Variants in GUCY1A2 observed in about 807,000 individuals in gnomAD.
GUCY1A2 encodes guanylate cyclase soluble subunit alpha-2.
Under a neutral mutation model 63.5 loss-of-function variants are expected in GUCY1A2, and 27 were observed. That is an observed-to-expected ratio of 0.43 (90% confidence interval 0.31 to 0.59). GUCY1A2 has a LOEUF of 0.59. Among genes scored for constraint, GUCY1A2 ranks in the 20% least tolerant of loss-of-function variants. The probability of loss-of-function intolerance (pLI) is 0.11; values close to 1 mark genes in which losing one functional copy is unlikely to be tolerated. For missense variants in GUCY1A2, 768 were observed against 913.3 expected, an observed-to-expected ratio of 0.84 and a Z score of 2.05; for synonymous variants, 364 against 343.5, an observed-to-expected ratio of 1.06 and a Z score of -0.66.
Position 107,004,193 on chromosome 11 carries a change from C to T in GUCY1A2, c.303+13560G>A, listed in dbSNP as rs1020355303. On this transcript the variant is annotated intron_variant, in intron 1 of 7. Coordinates refer to ENST00000526355, the MANE Select transcript of GUCY1A2 (RefSeq NM_000855.3). ...TCTAGGCAGTGAATCATGACGTCCACCACATTCACCAAAGCTTGAAATATA... is the reference window on the plus strand; with the variant it reads ...TCTAGGCAGTGAATCATGACGTCCATCACATTCACCAAAGCTTGAAATATA... Among the ~76,000 whole-genome samples, 4 of 152,092 alleles carry T rather than the reference C, an allele frequency of 2.6e-5. No homozygotes were observed. The South Asian group carries it at 8.3e-4, about 32-fold the overall frequency.
chr11:106,977,905 T>G (rs562925445), intron 3 of GUCY1A2, among the ~76,000 whole-genome samples: 1 of 151,314 alleles, frequency 6.6e-6, no homozygotes, highest in African/African-American at 2.4e-5. Flanking sequence ...TAGAAACATC[T>G]GTAAGACATT....
chr11:106,935,277 G>T (rs749583702), intron 4 of GUCY1A2, among the ~76,000 whole-genome samples: 4 of 152,130 alleles, frequency 2.6e-5, no homozygotes, highest in Non-Finnish European at 5.9e-5. Context: ...GACTGTTATA[G>T]GTGGAAAGGA....
chr11:106,847,463 A>C (rs2135448138), intron 4 of GUCY1A2, among the ~76,000 whole-genome samples: 1 of 151,528 alleles, frequency 6.6e-6, no homozygotes, highest in East Asian at 1.9e-4. Context: ...CATTGCTATT[A>C]TTATTATTAC....
At chr11:106,694,481 T>A (rs1256589468) in intron 7 of GUCY1A2, among the ~76,000 whole-genome samples, 4 of 152,200 alleles carry the variant, frequency 2.6e-5, no homozygotes, top group African/African-American at 9.6e-5. Context: ...AAGATTGACC[T>A]GACAAAGTTT....
At chr11:106,754,165 T>C (rs1354258566) in intron 6 of GUCY1A2, among the ~76,000 whole-genome samples, 3 of 152,180 alleles carry the variant, frequency 2.0e-5, no homozygotes, top group Non-Finnish European at 2.9e-5. Flanking sequence ...TTGTCTATTA[T>C]TGGTGTATAG....
rs1280852563 is a variant in GUCY1A2 at position 106,992,318 on chromosome 11, AAT to A, written c.304-6189_304-6188del. Reference sequence around the variant, plus strand: ...TAAAGAAACCCTCTTGTACAAAAAGAATATGTCTTTTTTTTTTTTTTTTTTTT... The same window carrying A: ...TAAAGAAACCCTCTTGTACAAAAAGAATGTCTTTTTTTTTTTTTTTTTTTT... On this transcript the variant is annotated intron_variant, in intron 1 of 7. Coordinates refer to ENST00000526355, the MANE Select transcript of GUCY1A2 (RefSeq NM_000855.3). Among the ~76,000 whole-genome samples, 4 of 150,014 alleles carry A rather than the reference AAT, an allele frequency of 2.7e-5. No homozygotes were observed. In the East Asian group the frequency reaches 8.1e-4, roughly 30 times the overall value.
intron 1 of GUCY1A2, among the ~76,000 whole-genome samples, chr11:107,005,831 A>G (rs999292635): frequency 1.3e-5 from 2 of 152,194 alleles, no homozygotes; most frequent in Non-Finnish European, 2.9e-5. Flanking sequence ...CTGAAATGTC[A>G]TATGCCCAAA....
At chr11:106,704,125 C>G (rs1396532033) in intron 7 of GUCY1A2, among the ~76,000 whole-genome samples, 1 of 152,140 alleles carries the variant, frequency 6.6e-6, no homozygotes, top group East Asian at 1.9e-4. Flanking sequence ...CAAACCCATT[C>G]TTTCTCTCAA....
chr11:106,941,506 A>G (rs1860752195), intron 3 of GUCY1A2, among the ~76,000 whole-genome samples: 1 of 152,176 alleles, frequency 6.6e-6, no homozygotes, highest in African/African-American at 2.4e-5. Flanking sequence ...TGTAGTTTAC[A>G]TATTCATATT....
chr11:106,832,655 A>G (rs1348527745), intron 4 of GUCY1A2, among the ~76,000 whole-genome samples: 1 of 152,076 alleles, frequency 6.6e-6, no homozygotes, highest in Non-Finnish European at 1.5e-5. Flanking sequence ...AAAATCCCCT[A>G]TATAAGGTCT....
At chr11:106,785,980 A>G (rs1469970737) in intron 5 of GUCY1A2, among the ~76,000 whole-genome samples, 1 of 151,668 alleles carries the variant, frequency 6.6e-6, no homozygotes, top group Non-Finnish European at 1.5e-5. Context: ...CACTCCATCC[A>G]TAGGGTAATA....
chr11:106,870,067 G>A (rs1362210737), intron 4 of GUCY1A2, among the ~76,000 whole-genome samples: 1 of 136,180 alleles, frequency 7.3e-6, no homozygotes, highest in Non-Finnish European at 1.5e-5. Context: ...AGAACTCTTG[G>A]ACACAGGAAG....
chr11:106,986,231 CTT>C (rs1861399631), intron 1 of GUCY1A2, 100 bp from the exon 2 acceptor site: 10 of 675,458 alleles, frequency 1.5e-5, no homozygotes, highest in Admixed American at 2.4e-5. Flanking sequence ...TGATTTATCT[CTT>C]GAGAGTTTTC....
At chr11:106,914,746 G>C (rs1860346571) in intron 4 of GUCY1A2, among the ~76,000 whole-genome samples, 1 of 151,836 alleles carries the variant, frequency 6.6e-6, no homozygotes, top group Non-Finnish European at 1.5e-5. Flanking sequence ...GAGTAAAAAT[G>C]TTTCATGGGT....
chr11:106,876,631 G>A (rs569049231), intron 4 of GUCY1A2, among the ~76,000 whole-genome samples: 3 of 152,012 alleles, frequency 2.0e-5, no homozygotes, highest in Non-Finnish European at 4.4e-5. Flanking sequence ...TGGAATGTTC[G>A]CTAGTATTAA....
intron 4 of GUCY1A2, among the ~76,000 whole-genome samples, chr11:106,917,940 T>TAA (rs1323217617): frequency 2.9e-5 from 3 of 104,326 alleles, no homozygotes; most frequent in African/African-American, 1.0e-4. Context: ...ACTTAAAGTA[T>TAA]AAAAAAAAAA....
Position 106,675,463 on chromosome 11 carries a change from C to T in GUCY1A2, c.*12086G>A, listed in dbSNP as rs187001150. On this transcript the variant is annotated 3_prime_UTR_variant, in exon 8 of 8. Coordinates refer to ENST00000526355, the MANE Select transcript of GUCY1A2 (RefSeq NM_000855.3). ...TTTTGCTCCAAATTCTTAAAGGAGA[C>T]AATGAATTAGTAGCTTGTAAATTTT... The T allele has an allele frequency of 2.1e-3, 424 of 201,322 alleles. 1 individual carries two copies. Among genetic ancestry groups the T allele is most frequent in the African/African-American group, 9.1e-3 (395 of 43,532 alleles). 12.5% of individuals were successfully genotyped at this position (201,322 alleles called of 1,614,324 possible).
chr11:106,951,953 A>G (rs1860915576), intron 3 of GUCY1A2, among the ~76,000 whole-genome samples: 1 of 152,208 alleles, frequency 6.6e-6, no homozygotes, highest in African/African-American at 2.4e-5. Flanking sequence ...TTTTCTGCAT[A>G]TGGCTAGCCA....
intron 1 of GUCY1A2, among the ~76,000 whole-genome samples, chr11:106,993,502 A>T (rs1168979375): frequency 6.6e-6 from 1 of 151,958 alleles, no homozygotes; most frequent in Non-Finnish European, 1.5e-5. Flanking sequence ...CCAGCCTCTG[A>T]CTAAACTTAC....
Sources: allele counts gnomAD v4.1 joint callset (sites outside exome capture counted in the v4.1 genomes callset), GRCh38; gene constraint gnomAD v4.1.1; transcripts MANE v1.5; gene names NCBI Gene and HGNC (gene_info 2026-07-23, HGNC 2026-07-21).